The following NFE2L3 variants were observed in gnomAD, a reference collection of about 807,000 sequenced individuals.
The protein encoded by NFE2L3 is NFE2 like bZIP transcription factor 3.
NFE2L3 carries 18 observed loss-of-function variants against 23.5 expected under a neutral mutation model. The ratio of observed to expected loss-of-function variants is 0.77; its 90% CI spans 0.53 to 1.13. The LOEUF (loss-of-function observed/expected upper bound fraction) is 1.13, where lower values mean the gene tolerates loss of function less well. Among genes scored for constraint, NFE2L3 ranks in the 50% most tolerant of loss-of-function variants. NFE2L3 has a pLI of 0.00. For missense variants in NFE2L3, 1,152 were observed against 877.2 expected (o/e 1.31, Z -3.96); for synonymous variants, 424 against 354.5 (o/e 1.20, Z -2.20).
Position 26,153,020 on chromosome 7 carries a change from C to T in NFE2L3, c.522C>T (p.Pro174=), listed in dbSNP as rs1456074632. Residue 174 remains proline (P), a synonymous_variant, in exon 1 of 4, where the codon CCC becomes CCT. Coordinates refer to ENST00000056233, the MANE Select transcript of NFE2L3 (RefSeq NM_004289.7). ...ACGCCGGGGAAGAGGAGAAGGCACC[C>T]GCGGAACCGACGGCTCAGGTGCCGG... ...PLDAGEEEKA[P]AEPTAQVPDA... 6.6e-7 allele frequency: 1 copy of T among 1,524,838 alleles called. No homozygotes were observed. The highest frequency in any genetic ancestry group is 8.8e-7 in the Non-Finnish European group (1 of 1,140,388). 94.5% of individuals were successfully genotyped at this position (1,524,838 alleles called of 1,614,324 possible). A position where few individuals can be genotyped will look rare whatever the true frequency, so the allele number is the denominator to read the frequency against.
chr7:26,163,140 T>C (rs1298372720), intron 1 of NFE2L3, among the ~76,000 whole-genome samples: 1 of 152,172 alleles, frequency 6.6e-6, no homozygotes, highest in Non-Finnish European at 1.5e-5. Context: ...GCCCTCTCTG[T>C]CCGCCCCTCT....
At chr7:26,168,011 A>G (rs1225646302) in intron 1 of NFE2L3, among the ~76,000 whole-genome samples, 5 of 151,950 alleles carry the variant, frequency 3.3e-5, no homozygotes, top group South Asian at 2.1e-4. Context: ...GATTTGTGAG[A>G]TTTTGGTGCA....
intron 2 of NFE2L3, among the ~76,000 whole-genome samples, chr7:26,182,860 C>T (rs181569889): frequency 7.3e-4 from 111 of 152,268 alleles, no homozygotes; most frequent in Non-Finnish European, 9.8e-4. Context: ...GCAGCGCTGT[C>T]ACGACTCACT....
At chr7:26,163,991 C>T (rs1262252441) in intron 1 of NFE2L3, among the ~76,000 whole-genome samples, 1 of 152,152 alleles carries the variant, frequency 6.6e-6, no homozygotes, top group Non-Finnish European at 1.5e-5. Flanking sequence ...CAAACTCATC[C>T]TTTTTTATGG....
intron 2 of NFE2L3, among the ~76,000 whole-genome samples, chr7:26,182,765 A>G (rs1782350855): frequency 6.6e-6 from 1 of 152,000 alleles, no homozygotes; most frequent in Non-Finnish European, 1.5e-5. Context: ...TGGTTTTAAA[A>G]AAACAAATTG....
rs1782478387 is a variant in NFE2L3 at position 26,186,073 on chromosome 7, T to G, written c.*290T>G. ...TGAAAACCCAGTAAGACTTTCCATCTTGGCAGCCATCCTTTTTAAGAGTAA... is the reference window on the plus strand; with the variant it reads ...TGAAAACCCAGTAAGACTTTCCATCGTGGCAGCCATCCTTTTTAAGAGTAA... On this transcript the variant is annotated 3_prime_UTR_variant, in exon 4 of 4. Transcript: ENST00000056233. 1 of 244,894 alleles carries G rather than the reference T, an allele frequency of 4.1e-6. No homozygotes were observed. Among genetic ancestry groups the G allele is most frequent in the Non-Finnish European group, 7.8e-6 (1 of 128,334 alleles). 15.2% of individuals were successfully genotyped at this position (244,894 alleles called of 1,614,324 possible).
Position 26,187,002 on chromosome 7 carries a change from T to G in NFE2L3, c.*1219T>G, listed in dbSNP as rs1303457425. Reference sequence around the variant, plus strand: ...TATGTCCAAATTTTCAAAATGAAGTTTCTCAGATATTATTTCTGCCATAGG... The same window carrying G: ...TATGTCCAAATTTTCAAAATGAAGTGTCTCAGATATTATTTCTGCCATAGG... On this transcript the variant is annotated 3_prime_UTR_variant, in exon 4 of 4. Transcript: ENST00000056233. 6.6e-6 allele frequency: 1 copy of G among 152,106 alleles called. No individual in the cohort carries two copies. Among genetic ancestry groups the G allele is most frequent in the East Asian group, 1.9e-4 (1 of 5,194 alleles). The allele number at this position is 152,106 out of a possible 1,614,324, so 9.4% of individuals were successfully genotyped here.
At chr7:26,184,226 ATGAGTTGCATCTTAT>A (rs775610978) in intron 3 of NFE2L3, 285 of 360,914 alleles carry the variant, frequency 7.9e-4, no homozygotes, top group Non-Finnish European at 6.7e-4. Context: ...AACCGCTAGG[ATGAGTTGCATCTTAT>A]TATAAAGTAG....
chr7:26,160,253 G>C, intron 1 of NFE2L3, among the ~76,000 whole-genome samples: 2 of 152,230 alleles, frequency 1.3e-5, no homozygotes, highest in East Asian at 1.9e-4. Context: ...CACCGCACCC[G>C]GCTGGATCTA....
intron 3 of NFE2L3, 28 bp downstream of exon 3, chr7:26,183,812 G>T: frequency 6.9e-7 from 1 of 1,451,286 alleles, no homozygotes; most frequent in Non-Finnish European, 9.7e-7. Flanking sequence ...TTTTATCCTC[G>T]CAGGAACATA....
intron 1 of NFE2L3, among the ~76,000 whole-genome samples, chr7:26,153,462 C>A (rs1784030688): frequency 6.6e-6 from 1 of 152,128 alleles, no homozygotes; most frequent in African/African-American, 2.4e-5. Context: ...AGGCCGTGAC[C>A]TCTGGGAGGA....
intron 2 of NFE2L3, among the ~76,000 whole-genome samples, chr7:26,182,899 T>C (rs565417059): frequency 9.9e-4 from 151 of 152,256 alleles, no homozygotes; most frequent in African/African-American, 3.5e-3. Context: ...ACTCAGGCAG[T>C]CCTCCTGCCT....
At chr7:26,171,405 G>A (rs1487613660) in intron 1 of NFE2L3, among the ~76,000 whole-genome samples, 3 of 152,064 alleles carry the variant, frequency 2.0e-5, no homozygotes, top group African/African-American at 7.2e-5. Context: ...TTATCTGGGT[G>A]TGGTGGCAGG....
Position 26,185,161 on chromosome 7 carries a change from A to C in NFE2L3, c.1463A>C (p.Asp488Ala). ...CAAAGTGATTCTGATTTCCATGGAG[A>C]TCTTACATTTCAACACGTATTTCAT... ...LDQSDSDFHG[D>A]LTFQHVFHNH... Residue 488 changes from aspartate (D) to alanine (A), a missense_variant, in exon 4 of 4, where the codon GAT becomes GCT. By Grantham distance (126) the Asp-to-Ala change is moderately radical. Coordinates refer to ENST00000056233, the MANE Select transcript of NFE2L3 (RefSeq NM_004289.7). 1.2e-6 allele frequency: 2 copies of C among 1,613,828 alleles called. No individual in the cohort carries two copies. The highest frequency in any genetic ancestry group is 1.7e-6 in the Non-Finnish European group (2 of 1,179,832).
intron 1 of NFE2L3, among the ~76,000 whole-genome samples, chr7:26,162,183 G>A (rs1346287310): frequency 1.2e-4 from 18 of 151,904 alleles, no homozygotes; most frequent in East Asian, 1.9e-4. Context: ...TCTAGAACAG[G>A]CAAAGCTGAG....
intron 2 of NFE2L3, among the ~76,000 whole-genome samples, chr7:26,181,757 A>AAGGC (rs1401429469): frequency 2.0e-5 from 3 of 152,182 alleles, no homozygotes; most frequent in Admixed American, 6.5e-5. Flanking sequence ...CAGAATCTAT[A>AAGGC]AGGCAAGAAC....
chr7:26,153,396 A>G (rs1178554267), intron 1 of NFE2L3, among the ~76,000 whole-genome samples: 1 of 152,150 alleles, frequency 6.6e-6, no homozygotes, highest in Non-Finnish European at 1.5e-5. Flanking sequence ...TCAGTACCTC[A>G]TGTACACTGG....
At chr7:26,183,554 T>C (rs1782386754) in intron 2 of NFE2L3, 147 bp from the exon 3 acceptor site, 1 of 573,524 alleles carries the variant, frequency 1.7e-6, no homozygotes, top group African/African-American at 2.0e-5. Flanking sequence ...CAAAATATAA[T>C]AAAAAGTAGA....
chr7:26,183,595 A>G (rs1290823774), intron 2 of NFE2L3, 106 bp from the exon 3 acceptor site: 3 of 710,232 alleles, frequency 4.2e-6, no homozygotes, highest in Middle Eastern at 6.4e-4. Flanking sequence ...ATAGCATAAA[A>G]ATCCAGTGTG....
Sources: allele counts gnomAD v4.1 joint callset (sites outside exome capture counted in the v4.1 genomes callset), GRCh38; gene constraint gnomAD v4.1.1; transcripts MANE v1.5; gene names NCBI Gene and HGNC (gene_info 2026-07-23, HGNC 2026-07-21).